IL2RA: variants seen among roughly 807,000 people sequenced by gnomAD.
IL2RA encodes interleukin 2 receptor subunit alpha, also known as interleukin-2 receptor subunit alpha.
IL2RA carries 24 observed loss-of-function variants against 37.8 expected under a neutral mutation model. The ratio of observed to expected loss-of-function variants is 0.63; its 90% CI spans 0.46 to 0.89. The LOEUF (loss-of-function observed/expected upper bound fraction) is 0.89, where lower values mean the gene tolerates loss of function less well. IL2RA is among the 40% of genes least tolerant of loss of function. The pLI, the probability that IL2RA is intolerant of heterozygous loss-of-function variation, is 0.00. For synonymous variants in IL2RA, 125 were observed against 114.6 expected, an observed-to-expected ratio of 1.09 and a Z score of -0.58; for missense variants, 319 against 348.6, an observed-to-expected ratio of 0.92 and a Z score of 0.68.
intron 1 of IL2RA, among the ~76,000 whole-genome samples, chr10:6,045,727 A>G (rs1688913424): frequency 6.6e-6 from 1 of 152,168 alleles, no homozygotes; most frequent in African/African-American, 2.4e-5. Context: ...ACTCCCACCC[A>G]CAGTCTTTTC....
Position 6,062,278 on chromosome 10 carries a change from G to T in IL2RA, c.-127C>A. ...TGGGATGGGAAGATCGGTCCGCCTG[G>T]GCTGTCACCCTTGTGGGTCCATCCA... On this transcript the variant is annotated 5_prime_UTR_variant, in exon 1 of 8. Transcript: ENST00000379959. The T allele has an allele frequency of 2.6e-6, 2 of 772,194 alleles. No homozygotes were observed. The highest frequency in any genetic ancestry group is 2.3e-6 in the Non-Finnish European group (1 of 442,732). 47.8% of individuals were successfully genotyped at this position (772,194 alleles called of 1,614,324 possible). A position where few individuals can be genotyped will look rare whatever the true frequency, so the allele number is the denominator to read the frequency against.
chr10:6,018,865 A>G lies in IL2RA; in HGVS notation c.727+563T>C, dbSNP rs757840361. On this transcript the variant is annotated intron_variant, in intron 6 of 7. Coordinates refer to ENST00000379959, the MANE Select transcript of IL2RA (RefSeq NM_000417.3). This position sits in a 1 kb window ranked among gnomAD's most constrained non-coding sequence, Gnocchi z 5.1. ...CAACCTACCAATCAACTAACCAACT[A>G]ACAAACCTACTAACCTACCAACAAA... Among the ~76,000 whole-genome samples, 69 of 152,046 alleles carry G rather than the reference A, an allele frequency of 4.5e-4. 1 individual carries two copies. The highest frequency in any genetic ancestry group is 4.6e-4 in the Admixed American group (7 of 15,266).
intron 1 of IL2RA, among the ~76,000 whole-genome samples, chr10:6,051,821 A>ATATATATATATATATATATATG (rs1839965521): frequency 1.0e-5 from 1 of 100,186 alleles, no homozygotes; most frequent in African/African-American, 4.1e-5. Context: ...GCCCAGCTAT[A>ATATATATATATATATATATATG]TATATATATA....
chr10:6,057,615 T>G lies in IL2RA; in HGVS notation c.64+4473A>C, dbSNP rs993592596. Reference sequence around the variant, plus strand: ...CCTCTCCTCAGTGCTTTGGCCCACTTTCTGCTTCCTGCAAGGTTTATTTTC... The same window carrying G: ...CCTCTCCTCAGTGCTTTGGCCCACTGTCTGCTTCCTGCAAGGTTTATTTTC... On this transcript the variant is annotated intron_variant, in intron 1 of 7. Transcript: ENST00000379959. This position sits in a 1 kb window ranked among gnomAD's most constrained non-coding sequence, Gnocchi z 4.8. Among the ~76,000 whole-genome samples the G allele has an allele frequency of 6.6e-6, 1 of 152,154 alleles. No homozygotes were observed. The highest frequency in any genetic ancestry group is 1.5e-5 in the Non-Finnish European group (1 of 68,010).
At position 6,035,853 on chromosome 10, in the gene IL2RA, C is replaced by A. The variant is rs182831101; in HGVS notation, c.65-9828G>T. Reference sequence around the variant, plus strand: ...AGACATGGGCAGAATCCCACTTGTTCCTCGTCCTTTTCCACCTCACCTCCA... The same window carrying A: ...AGACATGGGCAGAATCCCACTTGTTACTCGTCCTTTTCCACCTCACCTCCA... On this transcript the variant is annotated intron_variant, in intron 1 of 7. Transcript: ENST00000379959. The surrounding 1 kb of genome is among the most constrained non-coding windows in gnomAD (Gnocchi z 5.4). 6.6e-6 allele frequency: 1 copy of A among 152,260 alleles called. No homozygotes were observed. The highest frequency in any genetic ancestry group is 1.9e-4 in the East Asian group (1 of 5,198). 9.4% of individuals were successfully genotyped at this position (152,260 alleles called of 1,614,324 possible).
At chr10:6,016,182 G>T (rs28741372) in intron 7 of IL2RA, among the ~76,000 whole-genome samples, 1 of 152,268 alleles carries the variant, frequency 6.6e-6, no homozygotes, top group Non-Finnish European at 1.5e-5. Context: ...TGTTGTTATT[G>T]CAGGAGTGGG....
intron 1 of IL2RA, among the ~76,000 whole-genome samples, chr10:6,045,662 A>G (rs12722642): frequency 6.6e-6 from 1 of 152,198 alleles, no homozygotes; most frequent in African/African-American, 2.4e-5. Flanking sequence ...CAAATCTTTA[A>G]AACCAATTTC....
intron 1 of IL2RA, among the ~76,000 whole-genome samples, chr10:6,060,454 C>T (rs1379710400): frequency 6.6e-6 from 1 of 152,130 alleles, no homozygotes; most frequent in Non-Finnish European, 1.5e-5. Flanking sequence ...TCCTCCAAAA[C>T]CTATTAAAAT....
Position 6,029,382 on chromosome 10 carries a change from C to G in IL2RA, c.65-3357G>C, listed in dbSNP as rs553749383. Among the ~76,000 whole-genome samples, 93 of 152,150 alleles carry G rather than the reference C, an allele frequency of 6.1e-4. No individual in the cohort carries two copies. The highest frequency in any genetic ancestry group is 1.2e-3 in the Non-Finnish European group (80 of 67,996). ...GTTTCACCACGTTTGCCAGGCTGGT[C>G]TCGAACTCCTGACCTCAGGTGATCC... On this transcript the variant is annotated intron_variant, in intron 1 of 7. Transcript: ENST00000379959. The surrounding 1 kb of genome is among the most constrained non-coding windows in gnomAD (Gnocchi z 4.6).
intron 1 of IL2RA, among the ~76,000 whole-genome samples, chr10:6,042,780 G>A (rs1839792086): frequency 6.6e-6 from 1 of 152,000 alleles, no homozygotes; most frequent in African/African-American, 2.4e-5. Context: ...ATATCACCAG[G>A]TATCAATGAA....
intron 1 of IL2RA, among the ~76,000 whole-genome samples, chr10:6,050,401 C>T (rs1179399266): frequency 6.6e-6 from 1 of 152,176 alleles, no homozygotes; most frequent in African/African-American, 2.4e-5. Context: ...CTTTGGGAGG[C>T]TGAGACTGGT....
At chr10:6,023,322 T>C (rs1839419491) in intron 3 of IL2RA, among the ~76,000 whole-genome samples, 1 of 152,106 alleles carries the variant, frequency 6.6e-6, no homozygotes, top group Admixed American at 6.6e-5. Flanking sequence ...TTCTGTGGGT[T>C]TTTTTTCTTT....
At position 6,022,116 on chromosome 10, in the gene IL2RA, G is replaced by C. The variant is rs567944001; in HGVS notation, c.368-423C>G. Among the ~76,000 whole-genome samples the C allele has an allele frequency of 7.2e-5, 11 of 152,184 alleles. No homozygotes were observed. The highest frequency in any genetic ancestry group is 2.6e-4 in the African/African-American group (11 of 41,516). On this transcript the variant is annotated intron_variant, in intron 3 of 7. Coordinates refer to ENST00000379959, the MANE Select transcript of IL2RA (RefSeq NM_000417.3). The surrounding 1 kb of genome is among the most constrained non-coding windows in gnomAD (Gnocchi z 4.7). ...CACAAGGGTAGGCTCAAGCCTATTTGGGCCAATGGAGCATGAAGACCACCT... is the reference window on the plus strand; with the variant it reads ...CACAAGGGTAGGCTCAAGCCTATTTCGGCCAATGGAGCATGAAGACCACCT...
chr10:6,043,583 C>T (rs1317468859), intron 1 of IL2RA, among the ~76,000 whole-genome samples: 3 of 152,066 alleles, frequency 2.0e-5, no homozygotes, highest in African/African-American at 4.8e-5. Context: ...GGATTACAAG[C>T]GCCTGCATCA....
rs59002005 is a variant in IL2RA, at chr10:6,020,931, A to ATGTGTGTG, written c.583+539_583+546dup. Among the ~76,000 whole-genome samples, 36 of 150,024 alleles carry ATGTGTGTG rather than the reference A, an allele frequency of 2.4e-4. No homozygotes were observed. Among genetic ancestry groups the ATGTGTGTG allele is most frequent in the Admixed American group, 1.7e-3 (25 of 15,124 alleles). ...CGGTGGGCTGAGCATTTGCATGAGT[A>ATGTGTGTG]TGTGTGTGTGTGTGTGTGTGTGCGC... On this transcript the variant is annotated intron_variant, in intron 4 of 7. Coordinates refer to ENST00000379959, the MANE Select transcript of IL2RA (RefSeq NM_000417.3). The surrounding 1 kb of genome is among the most constrained non-coding windows in gnomAD (Gnocchi z 5.6).
At position 6,018,166 on chromosome 10, in the gene IL2RA, T is replaced by C. The variant is rs751191926; in HGVS notation, c.728-47A>G. Reference sequence around the variant, plus strand: ...TCAGCAAAGGGCCCTGGGCTTGGCATGGGGGCAGCAGGAGCCAGGGCCACA... The same window carrying C: ...TCAGCAAAGGGCCCTGGGCTTGGCACGGGGGCAGCAGGAGCCAGGGCCACA... On this transcript the variant is annotated intron_variant, in intron 6 of 7. Transcript: ENST00000379959. This position sits in a 1 kb window ranked among gnomAD's most constrained non-coding sequence, Gnocchi z 5.1. The C allele has an allele frequency of 6.8e-5, 103 of 1,515,120 alleles. No homozygotes were observed. Among genetic ancestry groups the C allele is most frequent in the Admixed American group, 5.1e-5 (3 of 59,214 alleles). The allele number at this position is 1,515,120 out of a possible 1,614,324, so 93.9% of individuals were successfully genotyped here.
In IL2RA at chr10:6,047,903, G is replaced by A. The variant is rs1009903656; in HGVS notation, c.64+14185C>T. 1.1e-4 allele frequency among the ~76,000 whole-genome samples: 17 copies of A among 152,244 alleles called. No individual in the cohort carries two copies. The highest frequency in any genetic ancestry group is 3.9e-4 in the African/African-American group (16 of 41,540). ...TATTACTTATGCAGTAATTAATTATGAGGTGATGTGTTCTTCTCATCTCCG... is the reference window on the plus strand; with the variant it reads ...TATTACTTATGCAGTAATTAATTATAAGGTGATGTGTTCTTCTCATCTCCG... On this transcript the variant is annotated intron_variant, in intron 1 of 7. Coordinates refer to ENST00000379959, the MANE Select transcript of IL2RA (RefSeq NM_000417.3). The surrounding 1 kb of genome is among the most constrained non-coding windows in gnomAD (Gnocchi z 5.0).
chr10:6,061,250 G>GGT (rs1840117449), intron 1 of IL2RA, among the ~76,000 whole-genome samples: 1 of 152,094 alleles, frequency 6.6e-6, no homozygotes, highest in African/African-American at 2.4e-5. Flanking sequence ...AACCAGGTGT[G>GGT]GTGGCGTATG....
At position 6,046,160 on chromosome 10, in the gene IL2RA, A is replaced by T. The variant is rs1225644922; in HGVS notation, c.64+15928T>A. On this transcript the variant is annotated intron_variant, in intron 1 of 7. Coordinates refer to ENST00000379959, the MANE Select transcript of IL2RA (RefSeq NM_000417.3). This position sits in a 1 kb window ranked among gnomAD's most constrained non-coding sequence, Gnocchi z 4.8. ...TTCCTTCCTGCTCTCAAGAATTCAC[A>T]CTCCGTTTTACACAAGACACACATT... Among the ~76,000 whole-genome samples the T allele has an allele frequency of 2.0e-5, 3 of 151,724 alleles. No individual in the cohort carries two copies. Among genetic ancestry groups the T allele is most frequent in the African/African-American group, 7.3e-5 (3 of 41,258 alleles).
Sources: allele counts gnomAD v4.1 joint callset (sites outside exome capture counted in the v4.1 genomes callset), GRCh38; gene constraint gnomAD v4.1.1; non-coding constraint Gnocchi (gnomAD v3.1); transcripts MANE v1.5; gene names NCBI Gene and HGNC (gene_info 2026-07-23, HGNC 2026-07-21).